The following SMIM45 variants were observed in gnomAD, a reference collection of about 807,000 sequenced individuals.
The protein encoded by SMIM45 is small integral membrane protein 45.
chr22:41,950,425 T>C, the SMIM45 span, among the ~76,000 whole-genome samples: 1 of 152,242 alleles, frequency 6.6e-6, no homozygotes, highest in South Asian at 2.1e-4. Context: ...TTTGGCCAGG[T>C]GGTGGCTCAC....
the SMIM45 span, among the ~76,000 whole-genome samples, chr22:41,957,181 C>CTTTTTTTTT: frequency 1.7e-5 from 1 of 59,292 alleles, no homozygotes; most frequent in African/African-American, 6.4e-5. Flanking sequence ...ACCACGTGGT[C>CTTTTTTTTT]TTTTTTTTTT....
chr22:41,957,005 T>C, the SMIM45 span, among the ~76,000 whole-genome samples: 5 of 152,072 alleles, frequency 3.3e-5, no homozygotes, highest in Non-Finnish European at 7.4e-5. Context: ...GGTCTTGAAC[T>C]CCTGACCTCA....
the SMIM45 span, among the ~76,000 whole-genome samples, chr22:41,947,842 C>G: frequency 8.6e-5 from 13 of 151,820 alleles, no homozygotes; most frequent in South Asian, 1.0e-3. Context: ...GCCATGTTGC[C>G]CAGGTGGGTC....
the SMIM45 span, among the ~76,000 whole-genome samples, chr22:41,948,653 T>C: frequency 6.6e-6 from 1 of 152,116 alleles, no homozygotes; most frequent in African/African-American, 2.4e-5. Context: ...ACGCCGTGGC[T>C]CATGCCTATA....
chr22:41,949,918 C>T, the SMIM45 span, among the ~76,000 whole-genome samples: 3 of 152,072 alleles, frequency 2.0e-5, no homozygotes, highest in Admixed American at 2.0e-4. Flanking sequence ...AGATAGAGGC[C>T]TGGAGGTTCT....
the SMIM45 span, among the ~76,000 whole-genome samples, chr22:41,955,735 G>A: frequency 6.6e-6 from 1 of 151,564 alleles, no homozygotes; most frequent in African/African-American, 2.4e-5. Flanking sequence ...GAACCTGGGA[G>A]GCGGAGCTTG....
At chr22:41,951,072 C>A in the SMIM45 span, among the ~76,000 whole-genome samples, 4 of 152,258 alleles carry the variant, frequency 2.6e-5, no homozygotes, top group African/African-American at 9.6e-5. Context: ...ACCTGAAGAG[C>A]CCCTAGATGG....
chr22:41,952,573 A>G, the SMIM45 span, among the ~76,000 whole-genome samples: 13 of 152,214 alleles, frequency 8.5e-5, no homozygotes, highest in East Asian at 2.5e-3. Context: ...CCCCATCCCC[A>G]CCCTGTCACC....
At chr22:41,947,534 A>T in the SMIM45 span, among the ~76,000 whole-genome samples, 1 of 151,456 alleles carries the variant, frequency 6.6e-6, no homozygotes, top group African/African-American at 2.4e-5. Context: ...CGCCCGACTT[A>T]TTTTTTTATT....
the SMIM45 span, among the ~76,000 whole-genome samples, chr22:41,950,884 C>A: frequency 6.6e-6 from 1 of 152,170 alleles, no homozygotes; most frequent in Non-Finnish European, 1.5e-5. Flanking sequence ...CCCAGCTCCT[C>A]GGAAGGCTGA....
At chr22:41,954,395 C>T in the SMIM45 span, among the ~76,000 whole-genome samples, 349 of 151,942 alleles carry the variant, frequency 2.3e-3, no homozygotes, top group African/African-American at 7.9e-3. Context: ...TTAGAAGAGA[C>T]GGGGTTTCTC....
the SMIM45 span, among the ~76,000 whole-genome samples, chr22:41,954,546 T>G: frequency 6.6e-6 from 1 of 152,098 alleles, no homozygotes; most frequent in South Asian, 2.1e-4. Context: ...ATTTGCCAAG[T>G]GAACAAGAAT....
chr22:41,958,202 C>T, the SMIM45 span: 1 of 425,828 alleles, frequency 2.3e-6, no homozygotes, highest in Admixed American at 2.5e-5. Context: ...ACTCTGCCCT[C>T]CACTGGACTC....
the SMIM45 span, among the ~76,000 whole-genome samples, chr22:41,950,543 C>G: frequency 6.6e-6 from 1 of 151,754 alleles, no homozygotes; most frequent in Non-Finnish European, 1.5e-5. Context: ...ACAAAAAGTA[C>G]AAAAATCAGC....
the SMIM45 span, among the ~76,000 whole-genome samples, chr22:41,954,019 C>T: frequency 6.7e-6 from 1 of 149,744 alleles, no homozygotes; most frequent in African/African-American, 2.5e-5. Flanking sequence ...AGAATGGTAA[C>T]AAGTACCCAG....
the SMIM45 span, among the ~76,000 whole-genome samples, chr22:41,951,438 C>A: frequency 1.4e-4 from 22 of 152,304 alleles, no homozygotes; most frequent in African/African-American, 5.1e-4. Context: ...TGCCTCATCC[C>A]AAAATGGGGT....
the SMIM45 span, chr22:41,947,217 G>A: frequency 1.4e-6 from 1 of 713,768 alleles, no homozygotes; most frequent in Non-Finnish European, 2.4e-6. Flanking sequence ...GCCTCTTAAA[G>A]GAACCGAACC....
At chr22:41,947,167 C>A in the SMIM45 span, 2 of 1,253,014 alleles carry the variant, frequency 1.6e-6, no homozygotes, top group Non-Finnish European at 2.3e-6. Context: ...CCTGGGGGCA[C>A]GTGCCTCCTT....
the SMIM45 span, among the ~76,000 whole-genome samples, chr22:41,954,579 T>C: frequency 6.6e-6 from 1 of 152,320 alleles, no homozygotes; most frequent in African/African-American, 2.4e-5. Flanking sequence ...TGAAAGCATA[T>C]GCAAAGATGA....
Sources: gnomAD v4.1 joint callset for allele counts (sites outside exome capture counted in the v4.1 genomes callset) on GRCh38, gnomAD v4.1.1 for gene constraint, MANE v1.5 for transcripts, NCBI Gene and HGNC (gene_info 2026-07-23, HGNC 2026-07-21) for gene names.